PDE4B: variants seen among roughly 807,000 people sequenced by gnomAD.
PDE4B encodes phosphodiesterase 4B.
Under a neutral mutation model 82.2 loss-of-function variants are expected in PDE4B, and 20 were observed. The ratio of observed to expected loss-of-function variants is 0.24; its 90% CI spans 0.17 to 0.35. The LOEUF (loss-of-function observed/expected upper bound fraction) is 0.35, where lower values mean the gene tolerates loss of function less well. Among genes scored for constraint, PDE4B ranks in the 10% least tolerant of loss-of-function variants. The probability of loss-of-function intolerance (pLI) is 1.00; values close to 1 mark genes in which losing one functional copy is unlikely to be tolerated. For synonymous variants in PDE4B, 320 were observed against 318.9 expected (o/e 1.00, Z -0.04); for missense variants, 655 against 907.2 (o/e 0.72, Z 3.57).
At chr1:66,369,930 C>T (rs765546518) in intron 16 of PDE4B, among the ~76,000 whole-genome samples, 20 of 151,822 alleles carry the variant, frequency 1.3e-4, no homozygotes, top group Non-Finnish European at 2.8e-4. Context: ...GACGGATCAC[C>T]TGAGGTCAGG....
At chr1:66,284,959 C>A (rs745610781) in intron 7 of PDE4B, among the ~76,000 whole-genome samples, 13 of 152,136 alleles carry the variant, frequency 8.5e-5, no homozygotes, top group Non-Finnish European at 1.9e-4. Flanking sequence ...CAGATTCAGG[C>A]TTGGAATCAG....
chr1:66,010,046 T>C lies in PDE4B; in HGVS notation c.281+91211T>C, dbSNP rs572195851. 5.9e-5 allele frequency among the ~76,000 whole-genome samples: 9 copies of C among 152,158 alleles called. No homozygotes were observed. In the East Asian group the frequency reaches 1.4e-3, roughly 23 times the overall value. ...AAGACAAAGAACTTTGTCTATTTTA[T>C]TCATTTCTAAATCCTCAAAACTAGA... On this transcript the variant is annotated intron_variant, in intron 3 of 16. Coordinates refer to ENST00000341517, the MANE Select transcript of PDE4B (RefSeq NM_002600.4).
rs1570708024 is a variant in PDE4B, at chr1:66,332,142, G to A, written c.635-366G>A. The A allele has an allele frequency of 2.0e-5, 27 of 1,349,668 alleles. No homozygotes were observed. The South Asian group carries it at 4.2e-4, about 21-fold the overall frequency. 83.6% of individuals were successfully genotyped at this position (1,349,668 alleles called of 1,614,324 possible). On this transcript the variant is annotated intron_variant, in intron 7 of 16. Transcript: ENST00000341517. ...CCTAAAGAACCCTGGGATGACTAAG[G>A]CAGAGAGAGTCTGAGAAAACTCTTT... is the stretch of plus-strand genomic sequence containing the variant.
intron 1 of PDE4B, among the ~76,000 whole-genome samples, chr1:65,843,709 A>C (rs4077431): frequency 0.53 from 80,586 of 151,892 alleles, 21,594 homozygotes; most frequent in Non-Finnish European, 0.57. Flanking sequence ...TTTATCTTAC[A>C]TTTGCAAATA....
rs1304317588 is a variant in PDE4B, at chr1:66,187,487, A to G, written c.282-59973A>G. 2.6e-5 allele frequency among the ~76,000 whole-genome samples: 4 copies of G among 151,972 alleles called. No homozygotes were observed. The East Asian group carries it at 5.8e-4, about 22-fold the overall frequency. On this transcript the variant is annotated intron_variant, in intron 3 of 16. Transcript: ENST00000341517. Reference sequence around the variant, plus strand: ...CTGGACTCTTTTTGGTTGGTAAGCTATTGATTATTGCCACAATTTCAGACC... The same window carrying G: ...CTGGACTCTTTTTGGTTGGTAAGCTGTTGATTATTGCCACAATTTCAGACC...
rs141035147 is a variant in PDE4B, at chr1:65,818,685, C to CACATATATATATATATATAT, written c.-71+25438_-71+25439insCATATATATATATATATATA. On this transcript the variant is annotated intron_variant, in intron 1 of 16. Coordinates refer to ENST00000341517, the MANE Select transcript of PDE4B (RefSeq NM_002600.4). ...ATACATATATATTCACACACACACA[C>CACATATATATATATATATAT]ATATATATATATATATATAAAATAA... Among the ~76,000 whole-genome samples the CACATATATATATATATATAT allele has an allele frequency of 6.3e-5, 9 of 143,774 alleles. No individual in the cohort carries two copies. In the East Asian group the frequency reaches 1.2e-3, roughly 20 times the overall value. The allele number at this position is 143,774 out of a possible 152,430, so 94.3% of individuals were successfully genotyped here. A position where few individuals can be genotyped will look rare whatever the true frequency, so the allele number is the denominator to read the frequency against.
At chr1:65,802,551 T>C (rs1645705557) in intron 1 of PDE4B, among the ~76,000 whole-genome samples, 1 of 152,210 alleles carries the variant, frequency 6.6e-6, no homozygotes, top group Non-Finnish European at 1.5e-5. Flanking sequence ...AATTGTTGTC[T>C]GGAAAAATTG....
At chr1:66,067,306 CA>C (rs1283545354) in intron 3 of PDE4B, among the ~76,000 whole-genome samples, 1 of 152,050 alleles carries the variant, frequency 6.6e-6, no homozygotes, top group South Asian at 2.1e-4. Context: ...GTCCCACCAA[CA>C]GTGTAAAAGT....
chr1:66,071,640 A>G (rs1656159983), intron 3 of PDE4B, among the ~76,000 whole-genome samples: 1 of 151,992 alleles, frequency 6.6e-6, no homozygotes, highest in Admixed American at 6.6e-5. Context: ...CCTGGCTGTC[A>G]CCTCTTGTCA....
At chr1:65,958,633 T>C (rs770632992) in intron 3 of PDE4B, among the ~76,000 whole-genome samples, 1 of 152,130 alleles carries the variant, frequency 6.6e-6, no homozygotes, top group Non-Finnish European at 1.5e-5. Flanking sequence ...TTTAACCTAT[T>C]TAAAGCCTAC....
intron 16 of PDE4B, among the ~76,000 whole-genome samples, chr1:66,370,894 G>C (rs1398390503): frequency 2.6e-5 from 4 of 151,718 alleles, no homozygotes; most frequent in Non-Finnish European, 4.4e-5. Context: ...GTGGGTGGAA[G>C]TGAGAGAAAT....
intron 3 of PDE4B, among the ~76,000 whole-genome samples, chr1:66,208,838 T>A (rs1168542327): frequency 1.3e-5 from 2 of 152,210 alleles, no homozygotes; most frequent in Admixed American, 6.5e-5. Flanking sequence ...TTGCATTATC[T>A]CATTTAATTC....
intron 3 of PDE4B, among the ~76,000 whole-genome samples, chr1:66,011,029 T>C (rs763409578): frequency 6.6e-6 from 1 of 151,746 alleles, no homozygotes; most frequent in Non-Finnish European, 1.5e-5. Flanking sequence ...ATGTGTACTC[T>C]TTTGTCTATT....
chr1:66,283,155 T>A (rs1369812301), intron 7 of PDE4B, among the ~76,000 whole-genome samples: 2 of 152,104 alleles, frequency 1.3e-5, no homozygotes, highest in South Asian at 4.1e-4. Context: ...TGGATTTAGA[T>A]CCCAGTTCTA....
At chr1:65,949,351 C>T (rs994621858) in intron 3 of PDE4B, among the ~76,000 whole-genome samples, 6 of 152,110 alleles carry the variant, frequency 3.9e-5, no homozygotes, top group East Asian at 1.9e-4. Context: ...TCATTTGCTA[C>T]AGCAATTCTG....
chr1:66,176,918 A>G (rs1646942079), intron 3 of PDE4B, among the ~76,000 whole-genome samples: 3 of 152,242 alleles, frequency 2.0e-5, no homozygotes, highest in African/African-American at 7.2e-5. Context: ...CTGGCAATAC[A>G]GTACTTACTA....
chr1:66,017,369 G>A (rs554162066), intron 3 of PDE4B, among the ~76,000 whole-genome samples: 3 of 152,216 alleles, frequency 2.0e-5, no homozygotes, highest in South Asian at 2.1e-4. Flanking sequence ...ATATTGATGT[G>A]TTTAAAAATT....
At chr1:65,859,302 C>T (rs978691909) in intron 1 of PDE4B, among the ~76,000 whole-genome samples, 1 of 151,892 alleles carries the variant, frequency 6.6e-6, no homozygotes, top group African/African-American at 2.4e-5. Context: ...CAATTGATAT[C>T]ACAAAAACTA....
intron 7 of PDE4B, among the ~76,000 whole-genome samples, chr1:66,266,429 G>A (rs1388637601): frequency 6.6e-6 from 1 of 152,172 alleles, no homozygotes; most frequent in Admixed American, 6.5e-5. Flanking sequence ...CTCCAGGAGA[G>A]CTAACATCGA....
Sources: gnomAD v4.1 joint callset for allele counts (sites outside exome capture counted in the v4.1 genomes callset) on GRCh38, gnomAD v4.1.1 for gene constraint, MANE v1.5 for transcripts, NCBI Gene and HGNC (gene_info 2026-07-23, HGNC 2026-07-21) for gene names.